SPRED2: variants seen among roughly 807,000 people sequenced by gnomAD.
SPRED2 encodes the protein sprouty-related, EVH1 domain-containing protein 2.
In SPRED2, 47 loss-of-function variants were observed where a neutral mutation model predicts 43.0. The ratio of observed to expected loss-of-function variants is 1.09; its 90% CI spans 0.87 to 1.40. The LOEUF is 1.40. Among genes scored for constraint, SPRED2 ranks in the 40% most tolerant of loss-of-function variants. SPRED2 has a pLI of 0.00. For missense variants in SPRED2, 561 were observed against 586.4 expected (o/e 0.96, Z 0.45); for synonymous variants, 225 against 225.7 (o/e 1.00, Z 0.03).
At chr2:65,376,124 G>C (rs1675230891) in intron 1 of SPRED2, among the ~76,000 whole-genome samples, 2 of 152,194 alleles carry the variant, frequency 1.3e-5, no homozygotes, top group Admixed American at 6.5e-5. Flanking sequence ...GAAGACAGCA[G>C]CCCACTATGT....
intron 2 of SPRED2, among the ~76,000 whole-genome samples, chr2:65,341,070 T>TGA (rs138303377): frequency 2.9e-5 from 4 of 139,112 alleles, no homozygotes; most frequent in South Asian, 4.7e-4. Context: ...GGGAGGGCAG[T>TGA]GAGAGAGAGA....
intron 1 of SPRED2, among the ~76,000 whole-genome samples, chr2:65,384,968 ACTT>A (rs35189158): frequency 8.1e-6 from 1 of 122,736 alleles, no homozygotes; most frequent in African/African-American, 2.7e-5. Context: ...TTTGCTTTCC[ACTT>A]CTTCTTTTTT....
intron 1 of SPRED2, among the ~76,000 whole-genome samples, chr2:65,424,575 C>A (rs1676514479): frequency 6.6e-6 from 1 of 151,888 alleles, no homozygotes; most frequent in South Asian, 2.1e-4. Flanking sequence ...TCCAGTAAGC[C>A]ATGATTGCAC....
chr2:65,332,446 C>A (rs898915529), intron 3 of SPRED2: 1 of 159,692 alleles, frequency 6.3e-6, no homozygotes, highest in Middle Eastern at 3.2e-3. Context: ...ACGGGGAACC[C>A]CTAAGTGAGA....
intron 2 of SPRED2, among the ~76,000 whole-genome samples, chr2:65,338,938 C>T (rs1674076578): frequency 6.6e-6 from 1 of 152,212 alleles, no homozygotes; most frequent in African/African-American, 2.4e-5. Flanking sequence ...TGGGGAGCGC[C>T]TCTGCCCCGC....
At chr2:65,320,719 T>C (rs1673385685) in intron 4 of SPRED2, among the ~76,000 whole-genome samples, 1 of 152,160 alleles carries the variant, frequency 6.6e-6, no homozygotes, top group Non-Finnish European at 1.5e-5. Context: ...TTCAGATGGA[T>C]ACTAACAGAT....
At chr2:65,408,685 ATTC>A (rs748884876) in intron 1 of SPRED2, among the ~76,000 whole-genome samples, 44 of 151,950 alleles carry the variant, frequency 2.9e-4, no homozygotes, top group Non-Finnish European at 6.0e-4. Flanking sequence ...GGATCAAGCA[ATTC>A]TTCTGCCTCA....
chr2:65,317,124 T>C (rs1233167537), intron 4 of SPRED2, among the ~76,000 whole-genome samples: 1 of 151,968 alleles, frequency 6.6e-6, no homozygotes, highest in African/African-American at 2.4e-5. Context: ...CCTGGAAAGG[T>C]AGGTTTTTCT....
At chr2:65,430,872 A>G (rs2103827047) in intron 1 of SPRED2, among the ~76,000 whole-genome samples, 1 of 152,240 alleles carries the variant, frequency 6.6e-6, no homozygotes, top group African/African-American at 2.4e-5. Flanking sequence ...TTCACAAAAA[A>G]AAAAAAGTGG....
chr2:65,328,526 G>T (rs1673714114), intron 4 of SPRED2, among the ~76,000 whole-genome samples: 1 of 152,186 alleles, frequency 6.6e-6, no homozygotes, highest in Admixed American at 6.5e-5. Flanking sequence ...TACTCACAGG[G>T]TAGCTGTGAG....
intron 2 of SPRED2, among the ~76,000 whole-genome samples, chr2:65,342,166 A>ATATTATGTATGTATATTTTATATACG (rs1558659955): frequency 7.5e-5 from 11 of 147,480 alleles, no homozygotes; most frequent in African/African-American, 2.2e-4. Flanking sequence ...TTTTATATAC[A>ATATTATGTATGTATATTTTATATACG]TATATTATGT....
chr2:65,339,095 G>T (rs1373445531), intron 2 of SPRED2, among the ~76,000 whole-genome samples: 1 of 88,570 alleles, frequency 1.1e-5, no homozygotes, highest in South Asian at 4.0e-4. Context: ...CGGGAGGGAG[G>T]TTGGGCGGGG....
chr2:65,411,999 G>C (rs1435049330), intron 1 of SPRED2, among the ~76,000 whole-genome samples: 1 of 151,938 alleles, frequency 6.6e-6, no homozygotes, highest in African/African-American at 2.4e-5. Flanking sequence ...GTGGTGGCAG[G>C]CGCCTGTAGT....
At chr2:65,401,936 C>CAT (rs1558685674) in intron 1 of SPRED2, among the ~76,000 whole-genome samples, 17 of 101,036 alleles carry the variant, frequency 1.7e-4, no homozygotes, top group Admixed American at 6.1e-4. Context: ...AGCGCGCGCG[C>CAT]GCACACACAC....
intron 1 of SPRED2, among the ~76,000 whole-genome samples, chr2:65,402,994 A>C (rs1249200618): frequency 6.6e-6 from 1 of 152,260 alleles, no homozygotes; most frequent in Non-Finnish European, 1.5e-5. Context: ...CAAAGAATTT[A>C]TCGGCACAAT....
At chr2:65,420,729 C>T (rs917636450) in intron 1 of SPRED2, among the ~76,000 whole-genome samples, 1 of 152,224 alleles carries the variant, frequency 6.6e-6, no homozygotes, top group African/African-American at 2.4e-5. Flanking sequence ...CTACAACCAA[C>T]TCCCGCTTAA....
At chr2:65,419,465 A>G (rs1392239413) in intron 1 of SPRED2, among the ~76,000 whole-genome samples, 4 of 152,110 alleles carry the variant, frequency 2.6e-5, no homozygotes, top group African/African-American at 4.8e-5. Context: ...GAGTGCCCAC[A>G]CTTACGTTCT....
In SPRED2 at chr2:65,316,831, C is replaced by T. The variant is rs756682424; in HGVS notation, c.491G>A (p.Arg164Gln). 1.3e-5 allele frequency: 21 copies of T among 1,613,786 alleles called. No individual in the cohort carries two copies. In the South Asian group the frequency reaches 1.4e-4, roughly 11 times the overall value. Residue 164 changes from arginine to glutamine, a missense_variant, in exon 5 of 6, where the codon CGG becomes CAG. Around this residue, in one of 6 missense-constraint regions of SPRED2, gnomAD observed 305 missense variants for 282.4 expected, o/e 1.08. Coordinates refer to ENST00000356388, the MANE Select transcript of SPRED2 (RefSeq NM_181784.3). ...NSSQKREQPT[R>Q]TISSPTSCEH... ...ACAGGATGTGGGAGAGGAGATTGTC[C>T]GAGTAGGTTGCTCTCTCTTCTGAGA... is the stretch of plus-strand genomic sequence containing the variant.
chr2:65,412,032 G>A (rs915485784), intron 1 of SPRED2, among the ~76,000 whole-genome samples: 9 of 151,844 alleles, frequency 5.9e-5, no homozygotes, highest in Admixed American at 4.6e-4. Flanking sequence ...GGAGGCTGAG[G>A]CAGGAGAATG....
Sources: gnomAD v4.1 joint callset for allele counts (sites outside exome capture counted in the v4.1 genomes callset) on GRCh38, gnomAD v4.1.1 for gene constraint, gnomAD v4.1.1 regional missense constraint, MANE v1.5 for transcripts, NCBI Gene and HGNC (gene_info 2026-07-23, HGNC 2026-07-21) for gene names.